Variants in CABIN1 observed in about 807,000 individuals in gnomAD.
The protein encoded by CABIN1 is calcineurin-binding protein cabin-1.
In CABIN1, 133 loss-of-function variants were observed where a neutral mutation model predicts 227.7. The observed-to-expected ratio is 0.58, with a 90% confidence interval of 0.51 to 0.67. CABIN1 has a LOEUF of 0.67. CABIN1 is among the 30% of genes least tolerant of loss of function. The pLI, the probability that CABIN1 is intolerant of heterozygous loss-of-function variation, is 0.00. For missense variants in CABIN1, 2,408 were observed against 2,852.5 expected, an observed-to-expected ratio of 0.84 and a Z score of 3.55; for synonymous variants, 1,086 against 1,155.1, an observed-to-expected ratio of 0.94 and a Z score of 1.21.
chr22:24,121,381 A>G (rs1327409176), intron 28 of CABIN1, among the ~76,000 whole-genome samples: 1 of 152,218 alleles, frequency 6.6e-6, no homozygotes, highest in Non-Finnish European at 1.5e-5. Flanking sequence ...AGCAGGTGAC[A>G]CAGGTCTGGG....
At chr22:24,038,102 C>T (rs1345031784) in intron 3 of CABIN1, among the ~76,000 whole-genome samples, 1 of 152,166 alleles carries the variant, frequency 6.6e-6, no homozygotes, top group Non-Finnish European at 1.5e-5. Flanking sequence ...CTTTCTGAAC[C>T]CTGCCCTTTA....
At chr22:24,158,699 C>T (rs1425085273) in intron 29 of CABIN1, among the ~76,000 whole-genome samples, 1 of 152,026 alleles carries the variant, frequency 6.6e-6, no homozygotes, top group South Asian at 2.1e-4. Flanking sequence ...TTCTGGCTTT[C>T]TTCAAAAACC....
intron 18 of CABIN1, among the ~76,000 whole-genome samples, chr22:24,073,580 G>T (rs954766991): frequency 4.6e-5 from 7 of 151,860 alleles, no homozygotes; most frequent in African/African-American, 1.7e-4. Flanking sequence ...GGATACCTCT[G>T]GCCTTGACAG....
intron 3 of CABIN1, among the ~76,000 whole-genome samples, chr22:24,036,622 T>C (rs890650655): frequency 6.6e-5 from 10 of 152,110 alleles, no homozygotes; most frequent in African/African-American, 2.4e-4. Flanking sequence ...CTCCCTAGAT[T>C]GTTGGTCACT....
intron 6 of CABIN1, among the ~76,000 whole-genome samples, chr22:24,044,682 C>T (rs1363976296): frequency 6.6e-6 from 1 of 152,204 alleles, no homozygotes; most frequent in African/African-American, 2.4e-5. Context: ...CTCACAAGTT[C>T]TACCTTCTAC....
At chr22:24,150,624 A>T (rs376044369) in intron 29 of CABIN1, among the ~76,000 whole-genome samples, 1 of 152,212 alleles carries the variant, frequency 6.6e-6, no homozygotes, top group East Asian at 1.9e-4. Flanking sequence ...CTAGGACAGG[A>T]CAGGGGGCTA....
At chr22:24,143,647 C>T (rs767912890) in intron 29 of CABIN1, among the ~76,000 whole-genome samples, 23 of 152,258 alleles carry the variant, frequency 1.5e-4, no homozygotes, top group Middle Eastern at 6.8e-3. Context: ...CAGAGAGTAG[C>T]GGCCCATAGT....
chr22:24,145,546 A>G (rs1312703925), intron 29 of CABIN1, among the ~76,000 whole-genome samples: 4 of 152,128 alleles, frequency 2.6e-5, no homozygotes, highest in Non-Finnish European at 4.4e-5. Context: ...AGCGGAGTAC[A>G]AGAGGGCCGA....
intron 1 of CABIN1, among the ~76,000 whole-genome samples, chr22:24,022,541 G>A (rs531838270): frequency 6.6e-6 from 1 of 152,220 alleles, no homozygotes; most frequent in East Asian, 1.9e-4. Context: ...CCAGTTTTTG[G>A]TGATTTGAGT....
intron 23 of CABIN1, 70 bp downstream of exon 23, chr22:24,087,783 G>T (rs1289304733): frequency 1.9e-6 from 3 of 1,582,736 alleles, no homozygotes. Flanking sequence ...GGTCAACGAA[G>T]CTCTGTCTCA....
intron 29 of CABIN1, among the ~76,000 whole-genome samples, chr22:24,149,244 C>T (rs1407933564): frequency 1.3e-5 from 2 of 152,240 alleles, no homozygotes; most frequent in Non-Finnish European, 2.9e-5. Flanking sequence ...GGCTCCAATC[C>T]TGACCTGAGT....
chr22:24,088,530 C>T (rs1332425155), intron 23 of CABIN1, among the ~76,000 whole-genome samples: 1 of 152,080 alleles, frequency 6.6e-6, no homozygotes, highest in Non-Finnish European at 1.5e-5. Context: ...ATTGCTTGAA[C>T]CTGAGAGGCA....
intron 26 of CABIN1, among the ~76,000 whole-genome samples, chr22:24,110,518 A>C (rs1053951963): frequency 6.6e-6 from 1 of 152,218 alleles, no homozygotes; most frequent in African/African-American, 2.4e-5. Context: ...CTTTATGTAG[A>C]TCCAAGTTTT....
intron 1 of CABIN1, among the ~76,000 whole-genome samples, chr22:24,019,040 G>GTC (rs1223500365): frequency 2.8e-5 from 4 of 143,978 alleles, no homozygotes; most frequent in Admixed American, 2.8e-4. Context: ...CTACCATAAT[G>GTC]TCTTCTTTTA....
chr22:24,073,416 A>G (rs896200945), intron 18 of CABIN1, among the ~76,000 whole-genome samples: 1 of 152,232 alleles, frequency 6.6e-6, no homozygotes, highest in African/African-American at 2.4e-5. Flanking sequence ...AAAACAAGAA[A>G]AGTGGAAAGG....
chr22:24,163,588 A>G (rs1271761751), intron 29 of CABIN1, among the ~76,000 whole-genome samples: 1 of 152,132 alleles, frequency 6.6e-6, no homozygotes, highest in East Asian at 1.9e-4. Flanking sequence ...GAGCCAGTTC[A>G]CTTATTCCAG....
intron 33 of CABIN1, among the ~76,000 whole-genome samples, chr22:24,168,835 G>A (rs1004535892): frequency 6.6e-6 from 1 of 152,226 alleles, no homozygotes; most frequent in Non-Finnish European, 1.5e-5. Flanking sequence ...AGAAGTAGAA[G>A]CAGCAATGTT....
rs537451308 is a variant in CABIN1 at position 24,067,001 on chromosome 22, G to A, written c.2052G>A (p.Leu684=). Reference sequence around the variant, plus strand: ...GCCTTTTTCAGATTGATAAGAACCTGAAGTCGCTGGAGCGGTGCCAGTCCC... The same window carrying A: ...GCCTTTTTCAGATTGATAAGAACCTAAAGTCGCTGGAGCGGTGCCAGTCCC... The part of the protein sequence containing the change: ...VVSLEEIDKN[L]KSLERCQSLE... The change falls in exon 16 of 37, where the codon CTG becomes CTA. Residue 684 remains leucine, a synonymous_variant. Transcript: ENST00000263119. The A allele has an allele frequency of 1.2e-5, 20 of 1,614,248 alleles. No individual in the cohort carries two copies. The African/African-American group carries it at 2.7e-4, about 22-fold the overall frequency.
intron 33 of CABIN1, among the ~76,000 whole-genome samples, chr22:24,169,324 T>A (rs1335430762): frequency 1.3e-5 from 2 of 152,144 alleles, no homozygotes; most frequent in African/African-American, 4.8e-5. Flanking sequence ...ATGCCCCCGG[T>A]AGCCTCGTCC....
Sources: allele counts gnomAD v4.1 joint callset (sites outside exome capture counted in the v4.1 genomes callset), GRCh38; gene constraint gnomAD v4.1.1; transcripts MANE v1.5; gene names NCBI Gene and HGNC (gene_info 2026-07-23, HGNC 2026-07-21).